CACNA2D1: variants seen among roughly 807,000 people sequenced by gnomAD.
CACNA2D1 encodes voltage-dependent calcium channel subunit alpha-2/delta-1.
A neutral mutation model predicts 171.5 loss-of-function variants in CACNA2D1; 53 were observed. The observed-to-expected ratio is 0.31, with a 90% CI of 0.25 to 0.39. The LOEUF is 0.39. Ranked by LOEUF, CACNA2D1 falls within the 10% of genes least tolerant of loss-of-function variation. The pLI is 1.00. For synonymous variants in CACNA2D1, 442 were observed against 443.1 expected, an observed-to-expected ratio of 1.00 and a Z score of 0.03; for missense variants, 903 against 1,299.8, an observed-to-expected ratio of 0.69 and a Z score of 4.69.
intron 3 of CACNA2D1, among the ~76,000 whole-genome samples, chr7:82,305,667 T>C (rs531337810): frequency 3.3e-5 from 5 of 152,316 alleles, no homozygotes; most frequent in Non-Finnish European, 5.9e-5. Context: ...ATCTGGCCTA[T>C]TCCTTGAGTT....
intron 3 of CACNA2D1, among the ~76,000 whole-genome samples, chr7:82,215,570 AT>A (rs1413257347): frequency 6.6e-6 from 1 of 152,180 alleles, no homozygotes; most frequent in Non-Finnish European, 1.5e-5. Context: ...ATATAATATA[AT>A]TAAGCTCTAA....
intron 3 of CACNA2D1, among the ~76,000 whole-genome samples, chr7:82,274,618 C>G (rs1171416909): frequency 6.6e-6 from 1 of 152,130 alleles, no homozygotes; most frequent in Non-Finnish European, 1.5e-5. Flanking sequence ...GAGTCAATCA[C>G]TGTTAGATTA....
chr7:81,976,080 G>T (rs1795804957), intron 24 of CACNA2D1, among the ~76,000 whole-genome samples: 1 of 151,540 alleles, frequency 6.6e-6, no homozygotes, highest in Non-Finnish European at 1.5e-5. Context: ...AAGTTACTCT[G>T]GGATGCAGTA....
At chr7:82,435,832 T>C (rs1229230951) in intron 1 of CACNA2D1, among the ~76,000 whole-genome samples, 1 of 152,194 alleles carries the variant, frequency 6.6e-6, no homozygotes. Context: ...ATTGCAAATG[T>C]CGATGTAATA....
At chr7:82,373,056 C>A (rs1032389574) in intron 1 of CACNA2D1, among the ~76,000 whole-genome samples, 2 of 152,056 alleles carry the variant, frequency 1.3e-5, no homozygotes, top group Non-Finnish European at 2.9e-5. Flanking sequence ...TGGTGGCACA[C>A]GCCTGTAGTC....
At chr7:82,170,044 G>T (rs980996223) in intron 4 of CACNA2D1, among the ~76,000 whole-genome samples, 1 of 151,224 alleles carries the variant, frequency 6.6e-6, no homozygotes, top group Non-Finnish European at 1.5e-5. Context: ...GGCCAGAGTA[G>T]AAGAGAGATT....
Position 82,379,330 on chromosome 7 carries a change from T to G in CACNA2D1, c.96-29681A>C, listed in dbSNP as rs973604966. ...ATTCATAATTTTTTTCACCTAAAGT[T>G]TTTAAGCCCTTCTCCCTAGAAAAAT... On this transcript the variant is annotated intron_variant, in intron 1 of 38. Coordinates refer to ENST00000356860, the MANE Select transcript of CACNA2D1 (RefSeq NM_000722.4). Among the ~76,000 whole-genome samples the G allele has an allele frequency of 2.0e-5, 3 of 152,308 alleles. No homozygotes were observed. In the South Asian group the frequency reaches 6.2e-4, roughly 32 times the overall value.
chr7:82,424,200 C>G (rs898114334), intron 1 of CACNA2D1, among the ~76,000 whole-genome samples: 6 of 152,080 alleles, frequency 3.9e-5, no homozygotes, highest in African/African-American at 9.7e-5. Context: ...CTGAACAAAT[C>G]AGACAACCAG....
intron 6 of CACNA2D1, among the ~76,000 whole-genome samples, chr7:82,096,433 G>A (rs1006997090): frequency 6.6e-6 from 1 of 152,108 alleles, no homozygotes; most frequent in East Asian, 1.9e-4. Context: ...GCTCTTTAAA[G>A]AATTAAATCT....
chr7:82,282,705 G>A (rs564254685), intron 3 of CACNA2D1, among the ~76,000 whole-genome samples: 2 of 121,954 alleles, frequency 1.6e-5, no homozygotes, highest in African/African-American at 3.1e-5. Flanking sequence ...TGTAAAATGT[G>A]GGGGGGGGAA....
At chr7:82,414,019 G>A (rs1403258264) in intron 1 of CACNA2D1, among the ~76,000 whole-genome samples, 3 of 151,996 alleles carry the variant, frequency 2.0e-5, no homozygotes, top group Non-Finnish European at 4.4e-5. Context: ...TAAACCTGGA[G>A]GCTATTTATG....
intron 2 of CACNA2D1, among the ~76,000 whole-genome samples, chr7:82,343,765 G>T (rs528448525): frequency 2.9e-4 from 44 of 152,144 alleles, no homozygotes; most frequent in Non-Finnish European, 5.3e-4. Context: ...TATGCAATTA[G>T]AAGTGAAAAA....
intron 4 of CACNA2D1, among the ~76,000 whole-genome samples, chr7:82,154,689 G>A (rs1232087679): frequency 1.3e-5 from 2 of 152,128 alleles, no homozygotes; most frequent in African/African-American, 4.8e-5. Flanking sequence ...TATAAAATTT[G>A]ATTCAGAAAC....
intron 3 of CACNA2D1, among the ~76,000 whole-genome samples, chr7:82,332,814 A>C (rs1341253791): frequency 6.6e-6 from 1 of 152,180 alleles, no homozygotes; most frequent in Non-Finnish European, 1.5e-5. Context: ...TGCCTGGGCA[A>C]CATAGGGAGA....
At chr7:82,179,227 C>T (rs577401621) in intron 3 of CACNA2D1, among the ~76,000 whole-genome samples, 127 of 152,030 alleles carry the variant, frequency 8.4e-4, no homozygotes, top group Middle Eastern at 6.8e-3. Flanking sequence ...TTCTAAAATT[C>T]TAAGACCTTA....
chr7:82,310,473 GGTTAAATGGATAAA>G (rs1160709317), intron 3 of CACNA2D1, among the ~76,000 whole-genome samples: 1 of 151,646 alleles, frequency 6.6e-6, no homozygotes, highest in Non-Finnish European at 1.5e-5. Context: ...AATTTTATGC[GGTTAAATGGATAAA>G]GTTAAATAAA....
At chr7:82,203,449 C>A (rs1799687546) in intron 3 of CACNA2D1, among the ~76,000 whole-genome samples, 2 of 152,224 alleles carry the variant, frequency 1.3e-5, no homozygotes, top group South Asian at 4.2e-4. Context: ...ATAGCATAGC[C>A]CCACCATATG....
chr7:82,169,059 G>A (rs747322892), intron 4 of CACNA2D1, among the ~76,000 whole-genome samples: 1 of 152,000 alleles, frequency 6.6e-6, no homozygotes, highest in African/African-American at 2.4e-5. Flanking sequence ...TGGGACATAA[G>A]GGAAGAGTAA....
chr7:82,332,550 G>GAAAGAAAGAAAGAAAGAA (rs2129443984), intron 3 of CACNA2D1, among the ~76,000 whole-genome samples: 1 of 144,340 alleles, frequency 6.9e-6, no homozygotes, highest in East Asian at 2.0e-4. Context: ...AAGAAAGAAA[G>GAAAGAAAGAAAGAAAGAA]AAAGAAAGAA....
Sources: allele counts gnomAD v4.1 joint callset (sites outside exome capture counted in the v4.1 genomes callset), GRCh38; gene constraint gnomAD v4.1.1; transcripts MANE v1.5; gene names NCBI Gene and HGNC (gene_info 2026-07-23, HGNC 2026-07-21).